RELN: variants seen among roughly 807,000 people sequenced by gnomAD.
RELN encodes reelin.
RELN carries 108 observed loss-of-function variants against 427.6 expected under a neutral mutation model. The observed-to-expected ratio is 0.25, with a 90% CI of 0.22 to 0.30. The LOEUF (loss-of-function observed/expected upper bound fraction) is 0.30, where lower values mean the gene tolerates loss of function less well. Among genes scored for constraint, RELN ranks in the 10% least tolerant of loss-of-function variants. The probability of loss-of-function intolerance (pLI) is 1.00; values close to 1 mark genes in which losing one functional copy is unlikely to be tolerated. For missense variants in RELN, 3,715 were observed against 4,302.8 expected, an observed-to-expected ratio of 0.86 and a Z score of 3.82; for synonymous variants, 1,524 against 1,513.4, an observed-to-expected ratio of 1.01 and a Z score of -0.16.
intron 48 of RELN, among the ~76,000 whole-genome samples, chr7:103,520,344 C>T (rs2711854): frequency 0.059 from 8,997 of 152,122 alleles, 290 homozygotes; most frequent in South Asian, 0.1. Flanking sequence ...GGTGCAGTCT[C>T]GGCTCACTGC....
At position 103,656,884 on chromosome 7, in the gene RELN, G is replaced by A. The variant is rs77853380; in HGVS notation, c.1442-2679C>T. Among the ~76,000 whole-genome samples, 501 of 152,074 alleles carry A rather than the reference G, an allele frequency of 3.3e-3. 4 individuals are homozygous for A. Among genetic ancestry groups the A allele is most frequent in the African/African-American group, 0.012 (489 of 41,486 alleles). ...TTTCGTCCCTTAACAACATTTTCAG[G>A]TATATAGATCCACTTTGCTGATAGT... On this transcript the variant is annotated intron_variant, in intron 12 of 64. Transcript: ENST00000428762.
chr7:103,860,293 G>A (rs1794042094), intron 2 of RELN, among the ~76,000 whole-genome samples: 1 of 152,052 alleles, frequency 6.6e-6, no homozygotes, highest in African/African-American at 2.4e-5. Flanking sequence ...TATTCCCTAA[G>A]GGATTAAGGT....
intron 2 of RELN, among the ~76,000 whole-genome samples, chr7:103,873,904 A>C (rs1387655524): frequency 8.6e-6 from 1 of 116,494 alleles, no homozygotes; most frequent in Non-Finnish European, 1.9e-5. Flanking sequence ...ACACAACCAA[A>C]AAGGAGAATT....
At position 103,681,067 on chromosome 7, in the gene RELN, G is replaced by A. The variant is rs73408786; in HGVS notation, c.1289+1049C>T. On this transcript the variant is annotated intron_variant, in intron 11 of 64. Coordinates refer to ENST00000428762, the MANE Select transcript of RELN (RefSeq NM_005045.4). ...GTGGCAGCAAAGGGTCACAGTGGCA[G>A]TGTGGCTCAGGCTGAGGGTAAGAAT... Among the ~76,000 whole-genome samples the A allele has an allele frequency of 5.8e-3, 884 of 152,280 alleles. 8 individuals carry two copies. The highest frequency in any genetic ancestry group is 0.021 in the African/African-American group (858 of 41,554).
At position 103,540,191 on chromosome 7, in the gene RELN, A is replaced by ACTGAC; in HGVS notation, c.6930+1_6930+5dup. Reference sequence around the variant, plus strand: ...AATTAAAATAGTTAATCCTGAAGGGACTGACCTGATCGATAACCCAGGGGC... The same window carrying ACTGAC: ...AATTAAAATAGTTAATCCTGAAGGGACTGACCTGACCTGATCGATAACCCAGGGGC... On this transcript the variant is annotated splice_donor_region_variant and intron_variant, in intron 44 of 64. Coordinates refer to ENST00000428762, the MANE Select transcript of RELN (RefSeq NM_005045.4). 6.2e-7 allele frequency: 1 copy of ACTGAC among 1,614,142 alleles called. No individual in the cohort carries two copies. Among genetic ancestry groups the ACTGAC allele is most frequent in the Non-Finnish European group, 8.5e-7 (1 of 1,180,008 alleles).
intron 25 of RELN, among the ~76,000 whole-genome samples, chr7:103,596,173 C>T (rs956018382): frequency 3.3e-5 from 5 of 152,168 alleles, no homozygotes; most frequent in Admixed American, 2.6e-4. Context: ...CGTGGAACAT[C>T]CCCATATTCC....
At chr7:103,833,294 T>G (rs1199002056) in intron 3 of RELN, among the ~76,000 whole-genome samples, 3 of 152,186 alleles carry the variant, frequency 2.0e-5, no homozygotes, top group Non-Finnish European at 4.4e-5. Flanking sequence ...TTTTATTTTA[T>G]TCTGTATTTT....
chr7:103,989,342 G>T lies in RELN; in HGVS notation c.15C>A (p.Gly5=), dbSNP rs1455461778. ...CTAGGAGGAAAGTCTGCCGGGCCCA[G>T]CCACTGCGCTCCATGCCGCCGCCGC... MERS[G]WARQTFLLAL... Residue 5 remains glycine (G), a synonymous_variant, in exon 1 of 65, where the codon GGC becomes GGA. Transcript: ENST00000428762. The surrounding 1 kb of genome is among the most constrained non-coding windows in gnomAD (Gnocchi z 4.9). 1.3e-6 allele frequency: 2 copies of T among 1,545,204 alleles called. No homozygotes were observed. The highest frequency in any genetic ancestry group is 1.7e-6 in the Non-Finnish European group (2 of 1,146,588).
intron 8 of RELN, among the ~76,000 whole-genome samples, chr7:103,710,468 T>A (rs996997383): frequency 2.6e-5 from 4 of 152,196 alleles, no homozygotes; most frequent in South Asian, 2.1e-4. Flanking sequence ...TCCAGCATCA[T>A]GACTAAAAGA....
intron 1 of RELN, among the ~76,000 whole-genome samples, chr7:103,976,192 T>C (rs1175257333): frequency 6.6e-6 from 1 of 152,204 alleles, no homozygotes; most frequent in Admixed American, 6.5e-5. Flanking sequence ...CTAGAATGAC[T>C]ATATAATTTA....
intron 2 of RELN, among the ~76,000 whole-genome samples, chr7:103,854,418 G>A (rs1793896063): frequency 6.6e-6 from 1 of 152,008 alleles, no homozygotes; most frequent in Admixed American, 6.6e-5. Flanking sequence ...TCTCTTTGCT[G>A]GTAGTCTTTC....
chr7:103,489,029 C>G (rs1828548064), intron 60 of RELN, among the ~76,000 whole-genome samples: 1 of 152,130 alleles, frequency 6.6e-6, no homozygotes, highest in Non-Finnish European at 1.5e-5. Flanking sequence ...ATGATAGAGG[C>G]TGAAACCTGT....
chr7:103,850,679 C>T (rs186514184), intron 2 of RELN, among the ~76,000 whole-genome samples: 1 of 152,254 alleles, frequency 6.6e-6, no homozygotes, highest in Admixed American at 6.5e-5. Flanking sequence ...TCTTTCGCAG[C>T]TGGAAGGCAT....
chr7:103,639,402 C>CT lies in RELN; in HGVS notation c.2069+1140dup, dbSNP rs200310506. Among the ~76,000 whole-genome samples, 1,270 of 141,210 alleles carry CT rather than the reference C, an allele frequency of 9.0e-3. 15 individuals are homozygous for CT. The highest frequency in any genetic ancestry group is 0.025 in the African/African-American group (967 of 38,854). The allele number at this position is 141,210 out of a possible 152,430, so 92.6% of individuals were successfully genotyped here. On this transcript the variant is annotated intron_variant, in intron 17 of 64. Transcript: ENST00000428762. Reference sequence around the variant, plus strand: ...CAATTTCTTTTTTTTCTTTTTCTCTCTTTTTTTTTTTTTTTGAGATGGAGT... The same window carrying CT: ...CAATTTCTTTTTTTTCTTTTTCTCTCTTTTTTTTTTTTTTTTGAGATGGAGT...
In RELN at chr7:103,472,698, G is replaced by A. The variant is rs1586454712; in HGVS notation, c.*114C>T. 3.2e-5 allele frequency: 27 copies of A among 842,706 alleles called. No individual in the cohort carries two copies. The East Asian group carries it at 7.1e-4, about 22-fold the overall frequency. The allele number at this position is 842,706 out of a possible 1,614,324, so 52.2% of individuals were successfully genotyped here. On this transcript the variant is annotated 3_prime_UTR_variant, in exon 65 of 65. Transcript: ENST00000428762. ...ACTCGGTCTTGAGAAGGGCTTTCAGGTAATCACCAAGTCCTTCACAGATAT... is the reference window on the plus strand; with the variant it reads ...ACTCGGTCTTGAGAAGGGCTTTCAGATAATCACCAAGTCCTTCACAGATAT...
Position 103,489,777 on chromosome 7 carries a change from G to C in RELN, c.9728C>G (p.Thr3243Ser). Residue 3243 changes from threonine (T) to serine (S), a missense_variant, in exon 60 of 65, where the codon ACC becomes AGC. Physicochemically the swap from Thr to Ser is moderately conservative, Grantham distance 58. Coordinates refer to ENST00000428762, the MANE Select transcript of RELN (RefSeq NM_005045.4). ...CTCGTCGCAGATGCAGATGGCACCG[G>C]TCGTGCAGTATCCGTGCCCGCTGCA... is the stretch of plus-strand genomic sequence containing the variant. ...KLCSGHGYCTTGAICICDESF... is the reference protein window; with the variant it reads ...KLCSGHGYCTSGAICICDESF... 6.2e-7 allele frequency: 1 copy of C among 1,614,162 alleles called. No individual in the cohort carries two copies. The highest frequency in any genetic ancestry group is 8.5e-7 in the Non-Finnish European group (1 of 1,180,024).
intron 20 of RELN, among the ~76,000 whole-genome samples, chr7:103,624,295 T>G (rs1388600507): frequency 6.6e-6 from 1 of 152,198 alleles, no homozygotes; most frequent in Non-Finnish European, 1.5e-5. Context: ...GTTCTCTTCA[T>G]TTTACACCTC....
chr7:103,987,467 T>G (rs1389323020), intron 1 of RELN, among the ~76,000 whole-genome samples: 1 of 152,182 alleles, frequency 6.6e-6, no homozygotes, highest in Non-Finnish European at 1.5e-5. Flanking sequence ...TATCGAGACC[T>G]TCCAAAGGAT....
At chr7:103,964,118 C>T (rs1584405487) in intron 1 of RELN, among the ~76,000 whole-genome samples, 1 of 152,052 alleles carries the variant, frequency 6.6e-6, no homozygotes, top group African/African-American at 2.4e-5. Flanking sequence ...ATAACTGCGA[C>T]ATTGCACTCC....
Sources: gnomAD v4.1 joint callset for allele counts (sites outside exome capture counted in the v4.1 genomes callset) on GRCh38, gnomAD v4.1.1 for gene constraint, Gnocchi (gnomAD v3.1) non-coding constraint, MANE v1.5 for transcripts, NCBI Gene and HGNC (gene_info 2026-07-23, HGNC 2026-07-21) for gene names.